Variants in CLVS2 observed in about 807,000 individuals in gnomAD.
The protein encoded by CLVS2 is clavesin 2, also known as clavesin-2.
A neutral mutation model predicts 29.0 loss-of-function variants in CLVS2; 19 were observed. The observed-to-expected ratio is 0.66, with a 90% confidence interval of 0.46 to 0.96. The LOEUF is 0.96. Ranked by LOEUF, CLVS2 falls within the 40% of genes least tolerant of loss-of-function variation. The pLI, the probability that CLVS2 is intolerant of heterozygous loss-of-function variation, is 0.00. For missense variants in CLVS2, 294 were observed against 404.1 expected, an observed-to-expected ratio of 0.73 and a Z score of 2.34; for synonymous variants, 161 against 151.3, an observed-to-expected ratio of 1.06 and a Z score of -0.47.
intron 3 of CLVS2, among the ~76,000 whole-genome samples, chr6:123,013,361 T>G (rs940724964): frequency 2.0e-5 from 3 of 152,022 alleles, no homozygotes; most frequent in Non-Finnish European, 2.9e-5. Flanking sequence ...AATAAACCTC[T>G]TCCAGTTAGT....
chr6:123,059,879 A>G (rs1229313616), intron 5 of CLVS2, among the ~76,000 whole-genome samples: 2 of 152,132 alleles, frequency 1.3e-5, no homozygotes, highest in African/African-American at 4.8e-5. Flanking sequence ...CTTGTAGCCC[A>G]TTAGTGGCCC....
At chr6:123,034,141 A>G (rs1024801767) in intron 3 of CLVS2, among the ~76,000 whole-genome samples, 2 of 152,148 alleles carry the variant, frequency 1.3e-5, no homozygotes, top group African/African-American at 4.8e-5. Flanking sequence ...GGCAATCGGG[A>G]AAACAATTGG....
chr6:123,003,730 T>A (rs1240882818), intron 2 of CLVS2, among the ~76,000 whole-genome samples: 1 of 152,220 alleles, frequency 6.6e-6, no homozygotes, highest in African/African-American at 2.4e-5. Context: ...AGAGGTCATA[T>A]GCAGCTAATG....
chr6:123,008,360 A>G (rs959910963), intron 2 of CLVS2, among the ~76,000 whole-genome samples: 2 of 152,180 alleles, frequency 1.3e-5, no homozygotes, highest in Non-Finnish European at 2.9e-5. Flanking sequence ...CCTTTGGAAT[A>G]ATGATATGTG....
chr6:123,070,241 C>T lies in CLVS2; in HGVS notation c.*6480C>T, dbSNP rs1254867894. ...AACTACTTTCACTCTGACCCTGCTT[C>T]CCCTTTAGCCTTCTCATCTCACTAT... On this transcript the variant is annotated 3_prime_UTR_variant, in exon 6 of 6. Coordinates refer to ENST00000275162, the MANE Select transcript of CLVS2 (RefSeq NM_001010852.4). 1 of 151,880 alleles carries T rather than the reference C, an allele frequency of 6.6e-6. No homozygotes were observed. Among genetic ancestry groups the T allele is most frequent in the Non-Finnish European group, 1.5e-5 (1 of 67,888 alleles). 9.4% of individuals were successfully genotyped at this position (151,880 alleles called of 1,614,324 possible). A position where few individuals can be genotyped will look rare whatever the true frequency, so the allele number is the denominator to read the frequency against.
Position 123,055,026 on chromosome 6 carries a change from C to A in CLVS2, c.676-780C>A, listed in dbSNP as rs150130383. ...TTTCATTCAGTGGTAAGAGACAAAGCCAGACTGGATTCCATTTAGGAAAAA... is the reference window on the plus strand; with the variant it reads ...TTTCATTCAGTGGTAAGAGACAAAGACAGACTGGATTCCATTTAGGAAAAA... On this transcript the variant is annotated intron_variant, in intron 4 of 5. Coordinates refer to ENST00000275162, the MANE Select transcript of CLVS2 (RefSeq NM_001010852.4). Among the ~76,000 whole-genome samples the A allele has an allele frequency of 8.8e-3, 1,345 of 152,004 alleles. 14 individuals are homozygous for A. The highest frequency in any genetic ancestry group is 0.016 in the Non-Finnish European group (1,101 of 67,964).
chr6:123,058,073 T>C (rs945888923), intron 5 of CLVS2, among the ~76,000 whole-genome samples: 64 of 152,346 alleles, frequency 4.2e-4, no homozygotes, highest in African/African-American at 1.5e-3. Context: ...AGTTTTCTTC[T>C]AATAAAATAA....
At position 123,053,594 on chromosome 6, in the gene CLVS2, A is replaced by G. The variant is rs182435955; in HGVS notation, c.676-2212A>G. ...ATTCAGTGGTAAGAGACAAAGCCAG[A>G]CTGGATTCCATTTAGGAAAAATGAG... On this transcript the variant is annotated intron_variant, in intron 4 of 5. Transcript: ENST00000275162. Among the ~76,000 whole-genome samples, 4 of 152,312 alleles carry G rather than the reference A, an allele frequency of 2.6e-5. No individual in the cohort carries two copies. The East Asian group carries it at 7.7e-4, about 29-fold the overall frequency.
chr6:123,042,923 A>G (rs369719097), intron 3 of CLVS2, among the ~76,000 whole-genome samples: 4 of 152,304 alleles, frequency 2.6e-5, no homozygotes, highest in Admixed American at 2.6e-4. Context: ...TCTAGAAAAG[A>G]CACCCCCAAA....
chr6:123,006,732 G>T (rs1774674172), intron 2 of CLVS2, among the ~76,000 whole-genome samples: 1 of 152,158 alleles, frequency 6.6e-6, no homozygotes, highest in African/African-American at 2.4e-5. Context: ...GAGTCACTAA[G>T]GTGCTGATGT....
chr6:123,041,230 T>G (rs1022440575), intron 3 of CLVS2, among the ~76,000 whole-genome samples: 2 of 152,028 alleles, frequency 1.3e-5, no homozygotes, highest in Non-Finnish European at 2.9e-5. Flanking sequence ...TCATCTTGAG[T>G]AGAAGTTGAA....
chr6:123,020,358 G>A (rs1774902496), intron 3 of CLVS2, among the ~76,000 whole-genome samples: 1 of 152,026 alleles, frequency 6.6e-6, no homozygotes, highest in African/African-American at 2.4e-5. Flanking sequence ...GAATATTGGA[G>A]CACTTCAGAT....
At chr6:123,018,385 C>T (rs1774870996) in intron 3 of CLVS2, among the ~76,000 whole-genome samples, 1 of 152,002 alleles carries the variant, frequency 6.6e-6, no homozygotes, top group Non-Finnish European at 1.5e-5. Context: ...GACTCAATGG[C>T]ATCGGTTTTT....
rs554813088 is a variant in CLVS2, at chr6:123,071,729, G to A, written c.*7968G>A. On this transcript the variant is annotated 3_prime_UTR_variant, in exon 6 of 6. Transcript: ENST00000275162. ...TCTCTGCAACAATTATAAAATGAAT[G>A]AGGAAGTATTTTGGTGTTTCTAAGG... The A allele has an allele frequency of 1.3e-5, 2 of 152,086 alleles. No individual in the cohort carries two copies. Among genetic ancestry groups the A allele is most frequent in the South Asian group, 4.1e-4 (2 of 4,822 alleles). The allele number at this position is 152,086 out of a possible 1,614,324, so 9.4% of individuals were successfully genotyped here.
chr6:123,007,674 T>C (rs1441757174), intron 2 of CLVS2, among the ~76,000 whole-genome samples: 2 of 152,210 alleles, frequency 1.3e-5, no homozygotes, highest in Non-Finnish European at 2.9e-5. Context: ...CTGGTGTCAG[T>C]TGTAAAATTT....
chr6:123,050,358 T>A (rs1237032560), intron 4 of CLVS2, among the ~76,000 whole-genome samples: 3 of 152,300 alleles, frequency 2.0e-5, no homozygotes, highest in Non-Finnish European at 4.4e-5. Flanking sequence ...CTGTTCTCAG[T>A]GCTTTGCATA....
chr6:123,017,264 T>C (rs1278268378), intron 3 of CLVS2, among the ~76,000 whole-genome samples: 2 of 152,130 alleles, frequency 1.3e-5, no homozygotes, highest in South Asian at 2.1e-4. Context: ...AGGCTTAGAA[T>C]GCTTTAGACA....
intron 2 of CLVS2, among the ~76,000 whole-genome samples, chr6:123,001,370 A>C (rs1774587150): frequency 6.6e-6 from 1 of 152,168 alleles, no homozygotes; most frequent in South Asian, 2.1e-4. Context: ...AAATCCTAAT[A>C]TTTACAGTGT....
chr6:123,017,066 A>G lies in CLVS2; in HGVS notation c.564+5907A>G, dbSNP rs148417580. ...GTCCTACCTATTTGTAATTTCTAAC[A>G]GCTTTGAAATTGCATGTGTGTATGT... On this transcript the variant is annotated intron_variant, in intron 3 of 5. Coordinates refer to ENST00000275162, the MANE Select transcript of CLVS2 (RefSeq NM_001010852.4). Among the ~76,000 whole-genome samples, 27 of 147,984 alleles carry G rather than the reference A, an allele frequency of 1.8e-4. No individual in the cohort carries two copies. The East Asian group carries it at 5.5e-3, about 30-fold the overall frequency.
Sources: allele counts gnomAD v4.1 joint callset (sites outside exome capture counted in the v4.1 genomes callset), GRCh38; gene constraint gnomAD v4.1.1; transcripts MANE v1.5; gene names NCBI Gene and HGNC (gene_info 2026-07-23, HGNC 2026-07-21).